Variants in INTS12 observed in about 807,000 individuals in gnomAD.
INTS12 encodes integrator complex subunit 12.
In INTS12, 13 loss-of-function variants were observed where a neutral mutation model predicts 41.6. That is an observed-to-expected ratio of 0.31 (90% CI 0.20 to 0.50). INTS12 has a LOEUF of 0.50. INTS12 is among the 20% of genes least tolerant of loss of function. INTS12 has a pLI of 0.98. For synonymous variants in INTS12, 199 were observed against 191.4 expected (o/e 1.04, Z -0.33); for missense variants, 432 against 541.6 (o/e 0.80, Z 2.01).
chr4:105,698,385 A>T (rs1234070010), intron 3 of INTS12, among the ~76,000 whole-genome samples: 4 of 152,234 alleles, frequency 2.6e-5, no homozygotes, highest in Admixed American at 6.5e-5. Context: ...GCTGAAGGCT[A>T]AAATTAAATG....
chr4:105,683,525 G>A (rs186049940), intron 7 of INTS12, among the ~76,000 whole-genome samples: 170 of 152,114 alleles, frequency 1.1e-3, no homozygotes, highest in Non-Finnish European at 2.1e-3. Context: ...CCATATTCTT[G>A]TTCTAATGAT....
At chr4:105,686,364 T>C (rs1043168369) in intron 7 of INTS12, among the ~76,000 whole-genome samples, 1 of 152,196 alleles carries the variant, frequency 6.6e-6, no homozygotes, top group Admixed American at 6.5e-5. Flanking sequence ...GCTGGGACTA[T>C]AGGTGTGAGT....
At chr4:105,707,948 ATC>A in intron 1 of INTS12, 1 of 985,374 alleles carries the variant, frequency 1.0e-6, no homozygotes, top group Non-Finnish European at 1.2e-6. Context: ...TCCAAAGTTG[ATC>A]ATATGCACGT....
intron 3 of INTS12, 91 bp downstream of exon 3, chr4:105,699,759 G>T: frequency 3.4e-6 from 3 of 875,982 alleles, no homozygotes; most frequent in Non-Finnish European, 3.2e-6. Context: ...GATTATTTCG[G>T]CAGAGATTGT....
At position 105,682,630 on chromosome 4, in the gene INTS12, G is replaced by T. The variant is rs576536666; in HGVS notation, c.*103C>A. Reference sequence around the variant, plus strand: ...TTAAGGTAAGAAACAATAGAAATTTGATTATGAAGACTTTTATTAAATTAC... The same window carrying T: ...TTAAGGTAAGAAACAATAGAAATTTTATTATGAAGACTTTTATTAAATTAC... On this transcript the variant is annotated 3_prime_UTR_variant, in exon 8 of 8. Transcript: ENST00000340139. 7.1e-6 allele frequency: 6 copies of T among 846,354 alleles called. No individual in the cohort carries two copies. In the South Asian group the frequency reaches 1.2e-4, roughly 17 times the overall value. 52.4% of individuals were successfully genotyped at this position (846,354 alleles called of 1,614,324 possible). A position where few individuals can be genotyped will look rare whatever the true frequency, so the allele number is the denominator to read the frequency against.
chr4:105,686,624 C>T (rs1731506595), intron 7 of INTS12, 68 bp downstream of exon 7: 5 of 1,258,290 alleles, frequency 4.0e-6, no homozygotes, highest in Non-Finnish European at 5.5e-6. Context: ...AATTTTTTAT[C>T]AAGCAACTAT....
chr4:105,700,835 C>T (rs2149189734), intron 2 of INTS12, among the ~76,000 whole-genome samples: 1 of 151,826 alleles, frequency 6.6e-6, no homozygotes, highest in East Asian at 1.9e-4. Flanking sequence ...TTCCACAATA[C>T]TAAAAAGTTT....
chr4:105,698,210 C>T (rs1330664978), intron 3 of INTS12, among the ~76,000 whole-genome samples: 1 of 152,158 alleles, frequency 6.6e-6, no homozygotes, highest in Non-Finnish European at 1.5e-5. Context: ...ATTTGCCTTC[C>T]TCATTAATGT....
At chr4:105,683,530 A>G (rs572708975) in intron 7 of INTS12, among the ~76,000 whole-genome samples, 1 of 152,280 alleles carries the variant, frequency 6.6e-6, no homozygotes, top group South Asian at 2.1e-4. Context: ...TTCTTGTTCT[A>G]ATGATTCCAA....
At chr4:105,686,936 GT>G in intron 6 of INTS12, 98 bp from the exon 7 acceptor site, 1 of 1,042,934 alleles carries the variant, frequency 9.6e-7, no homozygotes, top group Non-Finnish European at 1.4e-6. Flanking sequence ...ATGAAATACA[GT>G]TGAACATTTT....
chr4:105,702,253 A>T (rs1333711622), intron 2 of INTS12, among the ~76,000 whole-genome samples: 1 of 144,626 alleles, frequency 6.9e-6, no homozygotes, highest in Non-Finnish European at 1.5e-5. Flanking sequence ...CTCCTGCCTC[A>T]GCCTCCCGAG....
chr4:105,692,519 T>C (rs1442738419), intron 5 of INTS12, among the ~76,000 whole-genome samples: 1 of 150,026 alleles, frequency 6.7e-6, no homozygotes, highest in African/African-American at 2.5e-5. Context: ...TATTTCCAGG[T>C]TGTTCTGGTA....
chr4:105,692,978 G>A (rs944693756), intron 5 of INTS12, among the ~76,000 whole-genome samples: 5 of 152,116 alleles, frequency 3.3e-5, no homozygotes, highest in Non-Finnish European at 5.9e-5. Context: ...AGCACAAAAA[G>A]CAATCACCAT....
chr4:105,685,073 A>G (rs1378135532), intron 7 of INTS12, among the ~76,000 whole-genome samples: 1 of 152,140 alleles, frequency 6.6e-6, no homozygotes, highest in African/African-American at 2.4e-5. Flanking sequence ...GTAGAAAACA[A>G]ATTTCTCAAG....
At chr4:105,696,989 T>C (rs562205709) in intron 3 of INTS12, among the ~76,000 whole-genome samples, 1 of 152,368 alleles carries the variant, frequency 6.6e-6, no homozygotes, top group East Asian at 1.9e-4. Context: ...GGCATACATA[T>C]ATCTTCTTTG....
intron 5 of INTS12, among the ~76,000 whole-genome samples, chr4:105,692,814 G>A (rs1345456030): frequency 6.6e-6 from 1 of 152,092 alleles, no homozygotes; most frequent in Non-Finnish European, 1.5e-5. Flanking sequence ...TGTTGTTGTT[G>A]TTCTTCATTA....
Position 105,698,657 on chromosome 4 carries a change from C to T in INTS12, c.156+1193G>A, listed in dbSNP as rs529497635. Reference sequence around the variant, plus strand: ...TTTTGTAGAGCCATATTGATTTGGTCGATCTGAACTCACTGAACCTACTGC... The same window carrying T: ...TTTTGTAGAGCCATATTGATTTGGTTGATCTGAACTCACTGAACCTACTGC... On this transcript the variant is annotated intron_variant, in intron 3 of 7. Transcript: ENST00000340139. 3.3e-5 allele frequency among the ~76,000 whole-genome samples: 5 copies of T among 152,164 alleles called. No homozygotes were observed. The South Asian group carries it at 6.2e-4, about 19-fold the overall frequency.
At chr4:105,698,675 C>A (rs1277685184) in intron 3 of INTS12, among the ~76,000 whole-genome samples, 2 of 152,166 alleles carry the variant, frequency 1.3e-5, no homozygotes, top group Non-Finnish European at 2.9e-5. Flanking sequence ...ACTCACTGAA[C>A]CTACTGCAAT....
intron 1 of INTS12, chr4:105,708,227 C>CA: frequency 1.0e-6 from 1 of 985,420 alleles, no homozygotes; most frequent in Non-Finnish European, 1.2e-6. Context: ...TGACAGCAAA[C>CA]ACTTAGAAAA....
Sources: allele counts gnomAD v4.1 joint callset (sites outside exome capture counted in the v4.1 genomes callset), GRCh38; gene constraint gnomAD v4.1.1; transcripts MANE v1.5; gene names NCBI Gene and HGNC (gene_info 2026-07-23, HGNC 2026-07-21).